Variants in CIB4 observed in about 807,000 individuals in gnomAD.
CIB4 encodes calcium and integrin binding family member 4.
A neutral mutation model predicts 25.8 loss-of-function variants in CIB4; 25 were observed. The ratio of observed to expected loss-of-function variants is 0.97; its 90% CI spans 0.71 to 1.35. The LOEUF (loss-of-function observed/expected upper bound fraction) is 1.35. CIB4 is among the 40% of genes most tolerant of loss of function. The pLI is 0.00. For missense variants in CIB4, 235 were observed against 228.2 expected (o/e 1.03, Z -0.19); for synonymous variants, 75 against 81.4 (o/e 0.92, Z 0.42).
intron 3 of CIB4, among the ~76,000 whole-genome samples, chr2:26,617,515 A>G (rs1669116810): frequency 1.3e-5 from 2 of 152,182 alleles, no homozygotes; most frequent in Admixed American, 6.5e-5. Flanking sequence ...GTGAGGATCA[A>G]ACTAGGTAGA....
At chr2:26,589,019 T>C (rs1668514923) in intron 4 of CIB4, among the ~76,000 whole-genome samples, 1 of 27,172 alleles carries the variant, frequency 3.7e-5, no homozygotes, top group African/African-American at 1.4e-4. Flanking sequence ...TTCTTCTTCT[T>C]CTTCTTCTTC....
At chr2:26,587,323 A>AAAAAAAAAAAAG (rs1668477491) in intron 4 of CIB4, among the ~76,000 whole-genome samples, 1 of 150,668 alleles carries the variant, frequency 6.6e-6, no homozygotes, top group Admixed American at 6.6e-5. Flanking sequence ...AAAAAAAAAA[A>AAAAAAAAAAAAG]AAAAAGAACC....
chr2:26,590,258 TAAAAA>T (rs869097756), intron 4 of CIB4, among the ~76,000 whole-genome samples: 1,259 of 61,802 alleles, frequency 0.02, 24 homozygotes, highest in African/African-American at 0.087. Flanking sequence ...CAAGCATCTG[TAAAAA>T]AAAAAAAAAA....
rs1022547563 is a variant in CIB4, at chr2:26,605,837, G to A, written c.187-10520C>T. 3.3e-5 allele frequency among the ~76,000 whole-genome samples: 5 copies of A among 152,322 alleles called. No individual in the cohort carries two copies. In the East Asian group the frequency reaches 7.7e-4, roughly 23 times the overall value. On this transcript the variant is annotated intron_variant, in intron 3 of 6. Transcript: ENST00000288861. ...AAAGAAGGAAAGCAACTAGCCAAAC[G>A]AAGGTCAGGACTCAAATTCTGAATT...
chr2:26,639,164 C>A (rs528296557), intron 2 of CIB4, among the ~76,000 whole-genome samples: 2 of 151,398 alleles, frequency 1.3e-5, no homozygotes, highest in South Asian at 4.2e-4. Context: ...ATTTTCTTTT[C>A]ACTTAGAACT....
chr2:26,615,487 T>G lies in CIB4; in HGVS notation c.186+13923A>C, dbSNP rs564070915. On this transcript the variant is annotated intron_variant, in intron 3 of 6. Coordinates refer to ENST00000288861, the MANE Select transcript of CIB4 (RefSeq NM_001029881.3). ...CCTCAGGTCATCCATGCCCCGCCCT[T>G]TGGTCCAGGTAGAAAGTTGAGGCCC... Among the ~76,000 whole-genome samples, 80 of 152,174 alleles carry G rather than the reference T, an allele frequency of 5.3e-4. 1 individual carries two copies. Among genetic ancestry groups the G allele is most frequent in the Non-Finnish European group, 1.1e-3 (73 of 68,020 alleles).
rs530475403 is a variant in CIB4 at position 26,592,847 on chromosome 2, A to C, written c.328+2329T>G. On this transcript the variant is annotated intron_variant, in intron 4 of 6. Transcript: ENST00000288861. ...CTTTGCTGAGATTTCCTATCTTTTC[A>C]TTTGTTATGAGCAGTTTTTACATCC... Among the ~76,000 whole-genome samples, 3 of 151,736 alleles carry C rather than the reference A, an allele frequency of 2.0e-5. No individual in the cohort carries two copies. The South Asian group carries it at 6.3e-4, about 32-fold the overall frequency.
At chr2:26,629,780 G>A (rs190479437) in intron 2 of CIB4, among the ~76,000 whole-genome samples, 26 of 152,316 alleles carry the variant, frequency 1.7e-4, no homozygotes, top group African/African-American at 6.0e-4. Context: ...GGAAAGTTAG[G>A]CGAATATGCC....
At chr2:26,591,973 C>T (rs909669924) in intron 4 of CIB4, among the ~76,000 whole-genome samples, 1 of 152,224 alleles carries the variant, frequency 6.6e-6, no homozygotes, top group Non-Finnish European at 1.5e-5. Flanking sequence ...CCGGCCAGAA[C>T]CTTGATGGCA....
At chr2:26,619,043 C>T (rs1209469502) in intron 3 of CIB4, among the ~76,000 whole-genome samples, 1 of 152,182 alleles carries the variant, frequency 6.6e-6, no homozygotes, top group African/African-American at 2.4e-5. Flanking sequence ...GAAGCCCCAT[C>T]GGCCCCCATG....
rs928645673 is a variant in CIB4, at chr2:26,593,156, G to A, written c.328+2020C>T. Among the ~76,000 whole-genome samples the A allele has an allele frequency of 2.6e-5, 4 of 152,122 alleles. No homozygotes were observed. In the East Asian group the frequency reaches 5.8e-4, roughly 22 times the overall value. Reference sequence around the variant, plus strand: ...CCATCCACAGACATTGATGCTCCTGGTTCTTGGACTTTCAGAATGAATTAT... The same window carrying A: ...CCATCCACAGACATTGATGCTCCTGATTCTTGGACTTTCAGAATGAATTAT... On this transcript the variant is annotated intron_variant, in intron 4 of 6. Coordinates refer to ENST00000288861, the MANE Select transcript of CIB4 (RefSeq NM_001029881.3).
chr2:26,591,332 T>C (rs1668582048), intron 4 of CIB4, among the ~76,000 whole-genome samples: 1 of 152,202 alleles, frequency 6.6e-6, no homozygotes, highest in Non-Finnish European at 1.5e-5. Flanking sequence ...GAGTGAAGCC[T>C]ACAGGCCATG....
chr2:26,641,215 A>T (rs750933487), intron 1 of CIB4, 46 bp downstream of exon 1: 1 of 1,514,234 alleles, frequency 6.6e-7, no homozygotes, highest in Non-Finnish European at 9.2e-7. Context: ...CACCTGCTTT[A>T]GGAAGCTCCC....
chr2:26,592,005 G>A (rs1668595166), intron 4 of CIB4, among the ~76,000 whole-genome samples: 1 of 152,256 alleles, frequency 6.6e-6, no homozygotes, highest in South Asian at 2.1e-4. Context: ...CCTAAGAGGA[G>A]GACCCAACTA....
chr2:26,602,989 A>C (rs904012225), intron 3 of CIB4, among the ~76,000 whole-genome samples: 1 of 132,232 alleles, frequency 7.6e-6, no homozygotes, highest in Non-Finnish European at 1.5e-5. Flanking sequence ...CAGAAGTCCA[A>C]GGCTGCAGTG....
chr2:26,640,940 C>A (rs1366675590), intron 1 of CIB4, among the ~76,000 whole-genome samples: 1 of 152,212 alleles, frequency 6.6e-6, no homozygotes, highest in East Asian at 1.9e-4. Flanking sequence ...GCCTGGTAAA[C>A]TCTAGAGCAA....
Position 26,587,005 on chromosome 2 carries a change from C to T in CIB4, c.329-3107G>A, listed in dbSNP as rs148510680. Among the ~76,000 whole-genome samples the T allele has an allele frequency of 3.3e-3, 505 of 152,194 alleles. 5 individuals carry two copies. Among genetic ancestry groups the T allele is most frequent in the African/African-American group, 0.012 (483 of 41,516 alleles). ...ACACTGAGAGCTTTAGAATAGGTAA[C>T]TGGCCCGGCACGGTGGATTACACTG... On this transcript the variant is annotated intron_variant, in intron 4 of 6. Transcript: ENST00000288861.
At chr2:26,611,699 A>C (rs1204869439) in intron 3 of CIB4, among the ~76,000 whole-genome samples, 4 of 152,350 alleles carry the variant, frequency 2.6e-5, no homozygotes, top group African/African-American at 9.6e-5. Context: ...AAAATTATTT[A>C]TAGTAACAAA....
intron 3 of CIB4, among the ~76,000 whole-genome samples, chr2:26,628,524 G>C (rs952852362): frequency 2.0e-5 from 3 of 152,226 alleles, no homozygotes; most frequent in African/African-American, 7.2e-5. Context: ...CCCAGGACAA[G>C]TTGTGGAAAC....
Sources: allele counts gnomAD v4.1 joint callset (sites outside exome capture counted in the v4.1 genomes callset), GRCh38; gene constraint gnomAD v4.1.1; transcripts MANE v1.5; gene names NCBI Gene and HGNC (gene_info 2026-07-23, HGNC 2026-07-21).